The following VAT1L variants were observed in gnomAD, a reference collection of about 807,000 sequenced individuals.
VAT1L encodes the protein putative NADPH-dependent quinone oxidoreductase VAT1L.
A neutral mutation model predicts 44.1 loss-of-function variants in VAT1L; 34 were observed. The ratio of observed to expected loss-of-function variants is 0.77; its 90% confidence interval spans 0.59 to 1.03. The LOEUF is 1.03. VAT1L is among the 50% of genes least tolerant of loss of function. The pLI, the probability that VAT1L is intolerant of heterozygous loss-of-function variation, is 0.00. For missense variants in VAT1L, 615 were observed against 538.8 expected (o/e 1.14, Z -1.40); for synonymous variants, 253 against 202.2 (o/e 1.25, Z -2.13).
At chr16:77,809,770 G>C (rs1450569471) in intron 1 of VAT1L, among the ~76,000 whole-genome samples, 1 of 152,134 alleles carries the variant, frequency 6.6e-6, no homozygotes, top group Non-Finnish European at 1.5e-5. Context: ...AAGGTGTCTT[G>C]GAACTATTTC....
At chr16:77,815,406 A>G (rs1035988390) in intron 1 of VAT1L, among the ~76,000 whole-genome samples, 6 of 152,216 alleles carry the variant, frequency 3.9e-5, no homozygotes, top group Non-Finnish European at 5.9e-5. Flanking sequence ...GAAGCAGAGA[A>G]ATATGAGGCA....
intron 7 of VAT1L, among the ~76,000 whole-genome samples, chr16:77,943,814 A>G (rs1278592988): frequency 6.6e-6 from 1 of 152,184 alleles, no homozygotes; most frequent in Admixed American, 6.5e-5. Flanking sequence ...GGGCTCTCAC[A>G]TAGCATGTGG....
chr16:77,880,423 G>A (rs2017139111), intron 6 of VAT1L, among the ~76,000 whole-genome samples: 1 of 152,000 alleles, frequency 6.6e-6, no homozygotes, highest in African/African-American at 2.4e-5. Flanking sequence ...GCCTCCCAAA[G>A]TGCTGGAATT....
intron 4 of VAT1L, among the ~76,000 whole-genome samples, chr16:77,875,685 C>T (rs2017080423): frequency 6.6e-6 from 1 of 152,236 alleles, no homozygotes; most frequent in South Asian, 2.1e-4. Context: ...AATGTGGCTT[C>T]TTTCTACTCC....
intron 6 of VAT1L, among the ~76,000 whole-genome samples, chr16:77,883,485 A>G (rs527913884): frequency 1.7e-4 from 26 of 152,252 alleles, no homozygotes; most frequent in Admixed American, 7.8e-4. Flanking sequence ...CTTTAATGCT[A>G]TGGATATTTG....
chr16:77,808,268 A>C (rs2016199089), intron 1 of VAT1L, among the ~76,000 whole-genome samples: 1 of 152,106 alleles, frequency 6.6e-6, no homozygotes, highest in African/African-American at 2.4e-5. Context: ...CTTCTTATGA[A>C]AATCTAATGC....
At chr16:77,822,494 T>C (rs4534856) in intron 2 of VAT1L, among the ~76,000 whole-genome samples, 4,288 of 152,154 alleles carry the variant, frequency 0.028, 119 homozygotes, top group Admixed American at 0.067. Flanking sequence ...GCCACCCCCT[T>C]CCAGTATCCA....
intron 7 of VAT1L, among the ~76,000 whole-genome samples, chr16:77,941,048 AT>A (rs1228529190): frequency 6.6e-6 from 1 of 152,150 alleles, no homozygotes; most frequent in Admixed American, 6.5e-5. Flanking sequence ...CATTTTGCTT[AT>A]TATGTTCAGC....
chr16:77,968,054 G>A (rs963202739), intron 7 of VAT1L, among the ~76,000 whole-genome samples: 12 of 152,118 alleles, frequency 7.9e-5, no homozygotes, highest in African/African-American at 2.7e-4. Context: ...TATTTTGCAA[G>A]GTAATAATTA....
intron 7 of VAT1L, among the ~76,000 whole-genome samples, chr16:77,913,532 A>G (rs1470080565): frequency 6.6e-6 from 1 of 150,656 alleles, no homozygotes. Context: ...TCCCTCTACT[A>G]TGATGCTTCC....
intron 7 of VAT1L, among the ~76,000 whole-genome samples, chr16:77,910,950 T>C (rs544249171): frequency 3.3e-5 from 5 of 152,258 alleles, no homozygotes; most frequent in South Asian, 4.2e-4. Flanking sequence ...GGCAAAAGAA[T>C]AGAGAGATTA....
rs368009111 is a variant in VAT1L, at chr16:77,832,218, C to T, written c.579+6757C>T. Among the ~76,000 whole-genome samples the T allele has an allele frequency of 3.3e-5, 5 of 152,082 alleles. No individual in the cohort carries two copies. The South Asian group carries it at 1.0e-3, about 32-fold the overall frequency. On this transcript the variant is annotated intron_variant, in intron 3 of 8. Transcript: ENST00000302536. The stretch of plus-strand genomic sequence containing the variant: ...TGGGCAAACGGTATCTTGGAAATCT[C>T]TGTATAGTCTTTTCAACCTCTCGGT...
intron 1 of VAT1L, among the ~76,000 whole-genome samples, chr16:77,805,088 C>T (rs111695089): frequency 0.014 from 2,187 of 152,238 alleles, 54 homozygotes; most frequent in African/African-American, 0.049. Flanking sequence ...GGAAGGGAGT[C>T]TGAGCATCCC....
intron 1 of VAT1L, among the ~76,000 whole-genome samples, chr16:77,802,982 T>G (rs2016091485): frequency 6.6e-6 from 1 of 152,158 alleles, no homozygotes; most frequent in Non-Finnish European, 1.5e-5. Context: ...AATGATTTCT[T>G]TCGTGAGAAG....
chr16:77,828,537 C>T (rs2016547864), intron 3 of VAT1L, among the ~76,000 whole-genome samples: 1 of 152,190 alleles, frequency 6.6e-6, no homozygotes, highest in South Asian at 2.1e-4. Flanking sequence ...GTGGCGCATG[C>T]CTGTAATCCC....
chr16:77,927,646 G>C (rs1284358249), intron 7 of VAT1L, among the ~76,000 whole-genome samples: 2 of 152,040 alleles, frequency 1.3e-5, no homozygotes, highest in Admixed American at 6.6e-5. Flanking sequence ...GGGAGGCTGA[G>C]GTGGGCGGAT....
intron 7 of VAT1L, among the ~76,000 whole-genome samples, chr16:77,899,887 T>C (rs540075188): frequency 5.7e-4 from 87 of 152,362 alleles, no homozygotes; most frequent in Non-Finnish European, 9.0e-4. Context: ...CCTTTCAGCC[T>C]CACCCAAATG....
intron 7 of VAT1L, among the ~76,000 whole-genome samples, chr16:77,948,934 T>C (rs989048884): frequency 1.3e-5 from 2 of 152,132 alleles, no homozygotes; most frequent in African/African-American, 4.8e-5. Context: ...TCAGCTGGTG[T>C]GCTAAGGGGT....
At chr16:77,968,524 G>A (rs1046132186) in intron 7 of VAT1L, among the ~76,000 whole-genome samples, 2 of 152,164 alleles carry the variant, frequency 1.3e-5, no homozygotes, top group African/African-American at 4.8e-5. Context: ...AGGAGATCAA[G>A]ACCATCCTAG....
Sources: allele counts gnomAD v4.1 joint callset (sites outside exome capture counted in the v4.1 genomes callset), GRCh38; gene constraint gnomAD v4.1.1; transcripts MANE v1.5; gene names NCBI Gene and HGNC (gene_info 2026-07-23, HGNC 2026-07-21).